FAT3: variants seen among roughly 807,000 people sequenced by gnomAD.
The protein encoded by FAT3 is FAT atypical cadherin 3.
FAT3 carries 95 observed loss-of-function variants against 310.2 expected under a neutral mutation model. The observed-to-expected ratio is 0.31, with a 90% CI of 0.26 to 0.36. FAT3 has a LOEUF of 0.36. FAT3 is among the 10% of genes least tolerant of loss of function. FAT3 has a pLI of 1.00. For missense variants in FAT3, 5,408 were observed against 5,715.6 expected, an observed-to-expected ratio of 0.95 and a Z score of 1.74; for synonymous variants, 2,314 against 2,192.9, an observed-to-expected ratio of 1.06 and a Z score of -1.54.
intron 3 of FAT3, among the ~76,000 whole-genome samples, chr11:92,583,649 C>A (rs886212198): frequency 1.3e-5 from 2 of 151,904 alleles, no homozygotes; most frequent in Non-Finnish European, 2.9e-5. Context: ...CTTTACCCAG[C>A]CCTGCCTCTA....
chr11:92,353,866 G>T lies in FAT3; in HGVS notation c.1754G>T (p.Gly585Val). ...CTCTTTGAAAAAGTGGCTTGCCAGG[G>T]AGTTATTTCATATGACTTTCCAGTT... ...SPLFEKVACQ[G>V]VISYDFPVGG... The change falls in exon 2 of 28, where the codon GGA becomes GTA. Residue 585 changes from glycine to valine, a missense_variant. Around this residue, in one of 5 missense-constraint regions of FAT3, gnomAD observed 4,588 missense variants for 4,809.8 expected, o/e 0.95. Coordinates refer to ENST00000525166, the MANE Select transcript of FAT3 (RefSeq NM_001367949.2). 1.9e-6 allele frequency: 3 copies of T among 1,613,562 alleles called. No homozygotes were observed. Among genetic ancestry groups the T allele is most frequent in the South Asian group, 2.2e-5 (2 of 91,070 alleles).
intron 2 of FAT3, among the ~76,000 whole-genome samples, chr11:92,480,327 G>T (rs1302315081): frequency 6.6e-6 from 1 of 152,164 alleles, no homozygotes; most frequent in African/African-American, 2.4e-5. Flanking sequence ...TAAGTTCAAA[G>T]ACAGTATATT....
intron 1 of FAT3, among the ~76,000 whole-genome samples, chr11:92,258,021 G>A (rs939060839): frequency 6.6e-5 from 10 of 151,950 alleles, no homozygotes; most frequent in African/African-American, 2.4e-4. Flanking sequence ...TGCACCCCCA[G>A]GTATATCCCA....
At position 92,799,833 on chromosome 11, in the gene FAT3, G is replaced by T; in HGVS notation, c.6820G>T (p.Asp2274Tyr). 6.2e-7 allele frequency: 1 copy of T among 1,613,354 alleles called. No homozygotes were observed. Among genetic ancestry groups the T allele is most frequent in the Non-Finnish European group, 8.5e-7 (1 of 1,179,628 alleles). The change falls in exon 10 of 28, where the codon GAC becomes TAC. Residue 2274 changes from aspartate to tyrosine, a missense_variant. By Grantham distance (160) the Asp-to-Tyr change is radical. Transcript: ENST00000525166. ...TGGTGCTAGGGCTGAAGTCACTGTT[G>T]ACTTGCTAGTTAATGATGTAAATGA... The part of the protein sequence containing the change: ...LTGARAEVTV[D>Y]LLVNDVNDNP...
At chr11:92,316,962 G>A (rs1313645212) in intron 1 of FAT3, among the ~76,000 whole-genome samples, 1 of 152,162 alleles carries the variant, frequency 6.6e-6, no homozygotes, top group African/African-American at 2.4e-5. Flanking sequence ...CATATTGGCT[G>A]TGCCACCAAG....
chr11:92,473,479 CATT>C (rs769830333), intron 2 of FAT3, among the ~76,000 whole-genome samples: 2 of 152,108 alleles, frequency 1.3e-5, no homozygotes, highest in Non-Finnish European at 2.9e-5. Context: ...ATTTTATCAT[CATT>C]GAGAGTATTT....
chr11:92,410,413 C>T (rs1950230903), intron 2 of FAT3, among the ~76,000 whole-genome samples: 1 of 151,968 alleles, frequency 6.6e-6, no homozygotes, highest in Non-Finnish European at 1.5e-5. Context: ...AGTAATTACT[C>T]TGGGACCATT....
Position 92,895,009 on chromosome 11 carries a change from A to G in FAT3, c.*3896A>G, listed in dbSNP as rs1022412730. The G allele has an allele frequency of 8.5e-5, 13 of 152,244 alleles. No homozygotes were observed. The highest frequency in any genetic ancestry group is 3.1e-4 in the African/African-American group (13 of 41,464). The allele number at this position is 152,244 out of a possible 1,614,324, so 9.4% of individuals were successfully genotyped here. A position where few individuals can be genotyped will look rare whatever the true frequency, so the allele number is the denominator to read the frequency against. On this transcript the variant is annotated 3_prime_UTR_variant, in exon 28 of 28. Coordinates refer to ENST00000525166, the MANE Select transcript of FAT3 (RefSeq NM_001367949.2). ...GGGGAATTGAGAAAAGAGATTATCAAAATAAATTATTAAAATCCAGAAAAC... is the reference window on the plus strand; with the variant it reads ...GGGGAATTGAGAAAAGAGATTATCAGAATAAATTATTAAAATCCAGAAAAC...
At chr11:92,298,264 T>C (rs1181582708) in intron 1 of FAT3, among the ~76,000 whole-genome samples, 1 of 152,086 alleles carries the variant, frequency 6.6e-6, no homozygotes, top group Admixed American at 6.5e-5. Context: ...TGGTTTTCTG[T>C]CTTGGAGAGA....
At chr11:92,390,343 C>A (rs113328401) in intron 2 of FAT3, among the ~76,000 whole-genome samples, 3 of 152,182 alleles carry the variant, frequency 2.0e-5, no homozygotes, top group African/African-American at 7.2e-5. Context: ...CCTGGGCTAA[C>A]CCACAGGGAG....
intron 2 of FAT3, among the ~76,000 whole-genome samples, chr11:92,450,495 A>C (rs1485561830): frequency 6.6e-6 from 1 of 152,126 alleles, no homozygotes; most frequent in African/African-American, 2.4e-5. Context: ...AAGGAGACAT[A>C]ATGTCACAGC....
intron 4 of FAT3, among the ~76,000 whole-genome samples, chr11:92,713,394 A>G (rs1271095170): frequency 2.0e-5 from 3 of 152,216 alleles, no homozygotes; most frequent in South Asian, 2.1e-4. Context: ...ACTAAACTCA[A>G]CAATGACAGT....
At chr11:92,528,819 A>G (rs1425490568) in intron 3 of FAT3, among the ~76,000 whole-genome samples, 1 of 152,228 alleles carries the variant, frequency 6.6e-6, no homozygotes, top group African/African-American at 2.4e-5. Context: ...ACCCCATAGT[A>G]CAGGGCTGAC....
chr11:92,664,113 T>C (rs530944190), intron 3 of FAT3, among the ~76,000 whole-genome samples: 2 of 152,316 alleles, frequency 1.3e-5, no homozygotes, highest in African/African-American at 2.4e-5. Flanking sequence ...ACAAAATACA[T>C]GTTCAGCATG....
intron 2 of FAT3, among the ~76,000 whole-genome samples, chr11:92,377,243 TTG>T (rs1249842887): frequency 6.6e-6 from 1 of 152,142 alleles, no homozygotes; most frequent in East Asian, 1.9e-4. Context: ...AAATGTATTG[TTG>T]TGTGTGTTAG....
intron 13 of FAT3, among the ~76,000 whole-genome samples, chr11:92,827,807 G>T (rs1453942354): frequency 6.6e-6 from 1 of 152,034 alleles, no homozygotes. Flanking sequence ...TACTTTCTTT[G>T]AGCAAAAGGG....
chr11:92,402,765 C>T (rs1212989964), intron 2 of FAT3, among the ~76,000 whole-genome samples: 3 of 149,676 alleles, frequency 2.0e-5, no homozygotes, highest in African/African-American at 7.4e-5. Context: ...AGAAAAAGAA[C>T]TTTCCAACAT....
chr11:92,688,539 G>A (rs894496517), intron 3 of FAT3, among the ~76,000 whole-genome samples: 3 of 151,950 alleles, frequency 2.0e-5, no homozygotes, highest in Admixed American at 6.6e-5. Context: ...CCTATGCCTA[G>A]GCTCCACCAC....
At chr11:92,507,851 T>C (rs1953168930) in intron 2 of FAT3, among the ~76,000 whole-genome samples, 1 of 151,086 alleles carries the variant, frequency 6.6e-6, no homozygotes, top group South Asian at 2.1e-4. Context: ...ACCCTGTGTG[T>C]GTTTGCATGT....
Sources: gnomAD v4.1 joint callset for allele counts (sites outside exome capture counted in the v4.1 genomes callset) on GRCh38, gnomAD v4.1.1 for gene constraint, gnomAD v4.1.1 regional missense constraint, MANE v1.5 for transcripts, NCBI Gene and HGNC (gene_info 2026-07-23, HGNC 2026-07-21) for gene names.